NAALADL1: variants seen among roughly 807,000 people sequenced by gnomAD.
NAALADL1 encodes the protein aminopeptidase NAALADL1.
In NAALADL1, 77 loss-of-function variants were observed where a neutral mutation model predicts 82.8. The ratio of observed to expected loss-of-function variants is 0.93; its 90% CI spans 0.77 to 1.12. The LOEUF is 1.12. Ranked by LOEUF, NAALADL1 falls within the 50% of genes most tolerant of loss-of-function variation. The pLI, the probability that NAALADL1 is intolerant of heterozygous loss-of-function variation, is 0.00. For missense variants in NAALADL1, 956 were observed against 964.0 expected, an observed-to-expected ratio of 0.99 and a Z score of 0.11; for synonymous variants, 358 against 399.2, an observed-to-expected ratio of 0.90 and a Z score of 1.23.
At chr11:65,045,479 G>C (rs1946697836) in intron 17 of NAALADL1, 22 bp from the exon 18 acceptor site, 1 of 1,581,696 alleles carries the variant, frequency 6.3e-7, no homozygotes, top group Admixed American at 1.8e-5. Context: ...AATGGGACAG[G>C]ATCAGGGTCA....
intron 15 of NAALADL1, 28 bp from the exon 16 acceptor site, chr11:65,046,142 A>G (rs543331336): frequency 1.1e-5 from 17 of 1,614,092 alleles, no homozygotes; most frequent in African/African-American, 5.3e-5. Context: ...TGGCTCAGTC[A>G]TGGGGGTGCA....
rs962458377 is a variant in NAALADL1 at position 65,044,864 on chromosome 11, G to T, written c.*407C>A. ...GATGTGATTTATTTGAGGGGCTGTT[G>T]TAGGGAGTTAGGATACACAGCATGC... On this transcript the variant is annotated 3_prime_UTR_variant, in exon 18 of 18. Transcript: ENST00000358658. This position sits in a 1 kb window ranked among gnomAD's most constrained non-coding sequence, Gnocchi z 4.0. 5 of 992,832 alleles carry T rather than the reference G, an allele frequency of 5.0e-6. No homozygotes were observed. The African/African-American group carries it at 8.2e-5, about 16-fold the overall frequency. 61.5% of individuals were successfully genotyped at this position (992,832 alleles called of 1,614,324 possible).
rs751516383 is a variant in NAALADL1 at position 65,053,245 on chromosome 11, G to A, written c.1171C>T (p.Arg391Cys). Residue 391 changes from arginine to cysteine, a missense_variant, in exon 8 of 18, where the codon CGT becomes TGT. Physicochemically the swap from Arg to Cys is radical, Grantham distance 180. Transcript: ENST00000358658. This position sits in a 1 kb window ranked among gnomAD's most constrained non-coding sequence, Gnocchi z 4.3. ...TTCTTCAGCAGGGTCCCCAGGACACGGGAGAGCTCCAGGAGGACGGCGGTG... is the reference window on the plus strand; with the variant it reads ...TTCTTCAGCAGGGTCCCCAGGACACAGGAGAGCTCCAGGAGGACGGCGGTG... Reference protein sequence around the residue: ...SGTAVLLELSRVLGTLLKKGT... With the variant: ...SGTAVLLELSCVLGTLLKKGT... 1.1e-5 allele frequency: 17 copies of A among 1,552,698 alleles called. No individual in the cohort carries two copies. Among genetic ancestry groups the A allele is most frequent in the South Asian group, 5.9e-5 (5 of 84,184 alleles).
In NAALADL1 at chr11:65,053,231, G is replaced by C. The variant is rs1342656996; in HGVS notation, c.1185C>G (p.Thr395=). The change falls in exon 8 of 18, where the codon ACC becomes ACG. Residue 395 remains threonine (T), a synonymous_variant. Transcript: ENST00000358658. This position sits in a 1 kb window ranked among gnomAD's most constrained non-coding sequence, Gnocchi z 4.3. ...VLLELSRVLG[T]LLKKGTWRPR... ...GGGCCGCCTCACCCTTCTTCAGCAG[G>C]GTCCCCAGGACACGGGAGAGCTCCA... is the stretch of plus-strand genomic sequence containing the variant. The C allele has an allele frequency of 6.5e-7, 1 of 1,546,266 alleles. No individual in the cohort carries two copies. Among genetic ancestry groups the C allele is most frequent in the Non-Finnish European group, 8.7e-7 (1 of 1,144,820 alleles).
chr11:65,046,143 T>C, intron 15 of NAALADL1, 29 bp from the exon 16 acceptor site: 1 of 1,614,106 alleles, frequency 6.2e-7, no homozygotes. Flanking sequence ...GGCTCAGTCA[T>C]GGGGGTGCAG....
At position 65,048,362 on chromosome 11, in the gene NAALADL1, T is replaced by C. The variant is rs1181744078; in HGVS notation, c.1222A>G (p.Ile408Val). The C allele has an allele frequency of 3.7e-6, 6 of 1,613,960 alleles. No individual in the cohort carries two copies. Among genetic ancestry groups the C allele is most frequent in the South Asian group, 2.2e-5 (2 of 91,086 alleles). ...KKGTWRPRRS[I>V]VFASWGAEEF... is the part of the protein sequence containing the mutation. ...TCAGCCCCCCAGCTCGCAAACACGA[T>C]TGATCTGCGAGGACGCCAGGTGCCT... Residue 408 changes from isoleucine (I) to valine (V), a missense_variant, in exon 9 of 18, where the codon ATC becomes GTC. Ile to Val is a conservative substitution (Grantham distance 29). Coordinates refer to ENST00000358658, the MANE Select transcript of NAALADL1 (RefSeq NM_005468.3).
chr11:65,059,619 A>G (rs1947141143), upstream of NAALADL1, among the ~76,000 whole-genome samples: 1 of 152,220 alleles, frequency 6.6e-6, no homozygotes, highest in Non-Finnish European at 1.5e-5. Context: ...GGACTCCGTC[A>G]TCCACCCTCC....
At chr11:65,047,769 G>A (rs568886063) in intron 11 of NAALADL1, 31 bp from the exon 12 acceptor site, 6 of 1,565,808 alleles carry the variant, frequency 3.8e-6, no homozygotes, top group Non-Finnish European at 5.2e-6. Context: ...GTCTCGGTGC[G>A]CGGCCCTCCC....
At chr11:65,047,248 T>C (rs1326878325) in intron 13 of NAALADL1, among the ~76,000 whole-genome samples, 1 of 152,112 alleles carries the variant, frequency 6.6e-6, no homozygotes, top group Non-Finnish European at 1.5e-5. Flanking sequence ...GGCGGGAGGA[T>C]GGTTTGAGCC....
Position 65,044,825 on chromosome 11 carries a change from G to A in NAALADL1, c.*446C>T. On this transcript the variant is annotated 3_prime_UTR_variant, in exon 18 of 18. Coordinates refer to ENST00000358658, the MANE Select transcript of NAALADL1 (RefSeq NM_005468.3). The surrounding 1 kb of genome is among the most constrained non-coding windows in gnomAD (Gnocchi z 4.0). ...GGTAATAAAAGGAACTTGTTTTGTT[G>A]GTACCAGTCACTAGATGTGATTTAT... 3 of 1,314,628 alleles carry A rather than the reference G, an allele frequency of 2.3e-6. No homozygotes were observed. The highest frequency in any genetic ancestry group is 3.1e-6 in the Non-Finnish European group (3 of 977,748). The allele number at this position is 1,314,628 out of a possible 1,614,324, so 81.4% of individuals were successfully genotyped here.
In NAALADL1 at chr11:65,045,391, G is replaced by C; in HGVS notation, c.2103C>G (p.Ser701=). 1 of 1,613,120 alleles carries C rather than the reference G, an allele frequency of 6.2e-7. No homozygotes were observed. Among genetic ancestry groups the C allele is most frequent in the Non-Finnish European group, 8.5e-7 (1 of 1,179,726 alleles). The part of the protein sequence containing the change: ...VTFPGLSNAC[S]RARDTASGSE... ...ATCCAGAAGCTGTGTCCCTGGCCCT[G>C]GAGCAGGCATTGGATAGGCCCGGGA... The change falls in exon 18 of 18, where the codon TCC becomes TCG. Residue 701 remains serine, a synonymous_variant. Transcript: ENST00000358658.
At chr11:65,059,883 G>C (rs147683439), upstream of NAALADL1, among the ~76,000 whole-genome samples, 20 of 152,332 alleles carry the variant, frequency 1.3e-4, no homozygotes, top group Non-Finnish European at 2.4e-4. Flanking sequence ...AGGCTGAAAA[G>C]GTGTTCCAGC....
intron 2 of NAALADL1, 37 bp downstream of exon 2, chr11:65,058,041 C>A (rs746936754): frequency 1.2e-6 from 2 of 1,612,846 alleles, no homozygotes; most frequent in Non-Finnish European, 1.7e-6. Context: ...AGCAGCTCCC[C>A]ACCCCCGGGC....
intron 8 of NAALADL1, among the ~76,000 whole-genome samples, chr11:65,052,064 C>G (rs750271669): frequency 6.6e-6 from 1 of 152,106 alleles, no homozygotes; most frequent in Non-Finnish European, 1.5e-5. Context: ...TGGGAAGACC[C>G]AGATTCACAT....
At chr11:65,048,071 C>T (rs1565224228) in intron 10 of NAALADL1, 23 bp from the exon 11 acceptor site, 5 of 1,613,774 alleles carry the variant, frequency 3.1e-6, no homozygotes, top group African/African-American at 1.3e-5. Flanking sequence ...GGGAGAAAGA[C>T]TATTTGGGCC....
chr11:65,046,170 G>A lies in NAALADL1; in HGVS notation c.1855+19C>T. On this transcript the variant is annotated intron_variant, in intron 15 of 17. Transcript: ENST00000358658. Reference sequence around the variant, plus strand: ...GGGGTGCAGGGCTCCCCATACCTCAGGGTCAGGGCTGTGCATACCCAGGCT... The same window carrying A: ...GGGGTGCAGGGCTCCCCATACCTCAAGGTCAGGGCTGTGCATACCCAGGCT... 2.5e-6 allele frequency: 4 copies of A among 1,614,094 alleles called. No individual in the cohort carries two copies. Among genetic ancestry groups the A allele is most frequent in the Non-Finnish European group, 3.4e-6 (4 of 1,180,016 alleles).
rs772656347 is a variant in NAALADL1, at chr11:65,046,145, G to A, written c.1856-31C>T. The A allele has an allele frequency of 3.1e-6, 5 of 1,614,112 alleles. No homozygotes were observed. The South Asian group carries it at 4.4e-5, about 14-fold the overall frequency. ...AGGAACAAGCAGTGGCTCAGTCATGGGGGTGCAGGGCTCCCCATACCTCAG... is the reference window on the plus strand; with the variant it reads ...AGGAACAAGCAGTGGCTCAGTCATGAGGGTGCAGGGCTCCCCATACCTCAG... On this transcript the variant is annotated intron_variant, in intron 15 of 17. Transcript: ENST00000358658.
At chr11:65,060,676 C>A (rs1947173263), upstream of NAALADL1, among the ~76,000 whole-genome samples, 1 of 152,136 alleles carries the variant, frequency 6.6e-6, no homozygotes, top group African/African-American at 2.4e-5. Flanking sequence ...CCCAAGAGAT[C>A]CACTCAGGCT....
intron 8 of NAALADL1, among the ~76,000 whole-genome samples, chr11:65,050,250 G>C (rs1055821491): frequency 1.3e-5 from 2 of 151,952 alleles, no homozygotes; most frequent in African/African-American, 4.8e-5. Flanking sequence ...AGGCTGAGGT[G>C]GGCGGATCAC....
Sources: gnomAD v4.1 joint callset for allele counts (sites outside exome capture counted in the v4.1 genomes callset) on GRCh38, gnomAD v4.1.1 for gene constraint, Gnocchi (gnomAD v3.1) non-coding constraint, MANE v1.5 for transcripts, NCBI Gene and HGNC (gene_info 2026-07-23, HGNC 2026-07-21) for gene names.